PTER: variants seen among roughly 807,000 people sequenced by gnomAD.
PTER encodes the protein N-acetyltaurine hydrolase.
A neutral mutation model predicts 29.6 loss-of-function variants in PTER; 38 were observed. That is an observed-to-expected ratio of 1.28 (90% CI 0.99 to 1.68). PTER has a LOEUF of 1.68. PTER is among the 40% of genes most tolerant of loss of function. PTER has a pLI of 0.00. For missense variants in PTER, 482 were observed against 427.8 expected (o/e 1.13, Z -1.12); for synonymous variants, 172 against 154.5 (o/e 1.11, Z -0.84).
chr10:16,463,198 T>TAAAA (rs535136619), intron 1 of PTER, among the ~76,000 whole-genome samples: 2 of 79,396 alleles, frequency 2.5e-5, no homozygotes, highest in African/African-American at 4.9e-5. Context: ...AGACTCTGTC[T>TAAAA]AAAAAAAAAA....
intron 1 of PTER, among the ~76,000 whole-genome samples, chr10:16,438,515 T>A (rs1358379777): frequency 6.6e-6 from 1 of 150,578 alleles, no homozygotes; most frequent in Non-Finnish European, 1.5e-5. Context: ...TGCCATTTTG[T>A]CCAGGTTGGT....
At chr10:16,475,052 T>C (rs1835209268) in intron 1 of PTER, among the ~76,000 whole-genome samples, 1 of 152,096 alleles carries the variant, frequency 6.6e-6, no homozygotes, top group Non-Finnish European at 1.5e-5. Context: ...CTCTTTGGGG[T>C]CTTTTTTATA....
At chr10:16,516,327 C>T (rs938237455), downstream of PTER, among the ~76,000 whole-genome samples, 3 of 152,136 alleles carry the variant, frequency 2.0e-5, no homozygotes, top group African/African-American at 7.2e-5. Context: ...AAAGATTAAT[C>T]ATGAGTTTGT....
chr10:16,471,220 G>T (rs767676810), intron 1 of PTER, among the ~76,000 whole-genome samples: 17 of 152,206 alleles, frequency 1.1e-4, no homozygotes, highest in Non-Finnish European at 2.1e-4. Flanking sequence ...AGGCAAGACA[G>T]GCAATTAGCA....
At chr10:16,518,492 G>A (rs1836987331), downstream of PTER, among the ~76,000 whole-genome samples, 1 of 152,096 alleles carries the variant, frequency 6.6e-6, no homozygotes, top group South Asian at 2.1e-4. Flanking sequence ...TGATACAAAG[G>A]AAGATTTTAC....
intron 1 of PTER, among the ~76,000 whole-genome samples, chr10:16,450,985 C>T (rs547581200): frequency 8.7e-4 from 133 of 152,234 alleles, no homozygotes; most frequent in Non-Finnish European, 1.6e-3. Flanking sequence ...TTTTGGATGT[C>T]GTTAGATTAA....
chr10:16,504,986 C>T (rs1836502066), intron 3 of PTER, 34 bp from the exon 4 acceptor site: 1 of 1,610,434 alleles, frequency 6.2e-7, no homozygotes. Flanking sequence ...ATGGGCTCTT[C>T]ATAATAACAG....
Position 16,484,680 on chromosome 10 carries a change from C to T in PTER, c.296C>T (p.Thr99Ile). 1.2e-6 allele frequency: 2 copies of T among 1,614,132 alleles called. No individual in the cohort carries two copies. Among genetic ancestry groups the T allele is most frequent in the South Asian group, 2.2e-5 (2 of 91,074 alleles). ...ANGGGALVEN[T>I]TTGISRDTQT... ...GGTGGAGGGGCTTTGGTGGAAAACACAACCACTGGGATTAGCCGAGACACA... is the reference window on the plus strand; with the variant it reads ...GGTGGAGGGGCTTTGGTGGAAAACATAACCACTGGGATTAGCCGAGACACA... The change falls in exon 2 of 5, where the codon ACA becomes ATA. Residue 99 changes from threonine (T) to isoleucine (I), a missense_variant. Thr to Ile is a moderately conservative substitution (Grantham distance 89). Transcript: ENST00000535784.
At chr10:16,457,531 G>C (rs1475357799) in intron 1 of PTER, among the ~76,000 whole-genome samples, 1 of 151,616 alleles carries the variant, frequency 6.6e-6, no homozygotes, top group Non-Finnish European at 1.5e-5. Flanking sequence ...TGATTATTAA[G>C]CATTTCTTCT....
Position 16,489,790 on chromosome 10 carries a change from G to T in PTER, c.698+3173G>T, listed in dbSNP as rs145154379. 5.3e-5 allele frequency among the ~76,000 whole-genome samples: 8 copies of T among 152,242 alleles called. No homozygotes were observed. In the East Asian group the frequency reaches 1.5e-3, roughly 29 times the overall value. On this transcript the variant is annotated intron_variant, in intron 3 of 4. Coordinates refer to ENST00000535784, the MANE Select transcript of PTER (RefSeq NM_001261836.2). ...AATTTGACTACTCTAGGTACCTCAT[G>T]TAGATGGAATCACATAAAGCTTTTT...
chr10:16,479,415 C>T (rs1835396030), intron 1 of PTER, among the ~76,000 whole-genome samples: 1 of 152,024 alleles, frequency 6.6e-6, no homozygotes, highest in Admixed American at 6.6e-5. Context: ...TGTCCAGGCC[C>T]AGGCTGCTTC....
At chr10:16,518,333 C>A (rs1041126461), downstream of PTER, among the ~76,000 whole-genome samples, 12 of 152,056 alleles carry the variant, frequency 7.9e-5, no homozygotes, top group Non-Finnish European at 1.3e-4. Flanking sequence ...AAATGTTTAC[C>A]ACTATAGATT....
intron 4 of PTER, among the ~76,000 whole-genome samples, chr10:16,506,216 AG>A (rs925466763): frequency 6.6e-6 from 1 of 152,164 alleles, no homozygotes; most frequent in African/African-American, 2.4e-5. Context: ...AAAAGGCTTG[AG>A]AAATGGGTGG....
intron 1 of PTER, among the ~76,000 whole-genome samples, chr10:16,453,176 A>C (rs1015719629): frequency 2.0e-5 from 3 of 152,144 alleles, no homozygotes; most frequent in Non-Finnish European, 4.4e-5. Flanking sequence ...TCAGCCTTCC[A>C]AAGTGCTGGG....
At chr10:16,480,415 C>T (rs1001929495) in intron 1 of PTER, among the ~76,000 whole-genome samples, 4 of 151,894 alleles carry the variant, frequency 2.6e-5, no homozygotes, top group Non-Finnish European at 5.9e-5. Flanking sequence ...AGGCTGGTCT[C>T]GAACTCCTGG....
At chr10:16,478,402 T>G (rs1374037709) in intron 1 of PTER, among the ~76,000 whole-genome samples, 2 of 151,776 alleles carry the variant, frequency 1.3e-5, no homozygotes, top group African/African-American at 2.4e-5. Context: ...GGCACGATTT[T>G]GGCTCACTGC....
chr10:16,453,116 G>A (rs1412506337), intron 1 of PTER, among the ~76,000 whole-genome samples: 9 of 151,838 alleles, frequency 5.9e-5, no homozygotes. Flanking sequence ...GGGTCTCACT[G>A]TGTTGCCCAG....
chr10:16,518,871 AG>A, the PTER span, among the ~76,000 whole-genome samples: 295 of 152,108 alleles, frequency 1.9e-3, 2 homozygotes, highest in African/African-American at 6.6e-3. Flanking sequence ...CCTTTTTGTG[AG>A]GGTGATTCAA....
intron 3 of PTER, among the ~76,000 whole-genome samples, chr10:16,498,514 T>C (rs1415425938): frequency 6.6e-6 from 1 of 152,058 alleles, no homozygotes; most frequent in Non-Finnish European, 1.5e-5. Flanking sequence ...ACCCAGGAGA[T>C]GAAAGCTGCA....
Sources: allele counts gnomAD v4.1 joint callset (sites outside exome capture counted in the v4.1 genomes callset), GRCh38; gene constraint gnomAD v4.1.1; transcripts MANE v1.5; gene names NCBI Gene and HGNC (gene_info 2026-07-23, HGNC 2026-07-21).